CNDP1: variants seen among roughly 807,000 people sequenced by gnomAD.
CNDP1 encodes carnosine dipeptidase 1, also known as beta-Ala-His dipeptidase.
A neutral mutation model predicts 58.1 loss-of-function variants in CNDP1; 44 were observed. The observed-to-expected ratio is 0.76, with a 90% CI of 0.60 to 0.97. The LOEUF is 0.97. CNDP1 is among the 50% of genes least tolerant of loss of function. CNDP1 has a pLI of 0.00. For missense variants in CNDP1, 616 were observed against 655.1 expected (o/e 0.94, Z 0.65); for synonymous variants, 254 against 252.6 (o/e 1.01, Z -0.05).
intron 1 of CNDP1, among the ~76,000 whole-genome samples, chr18:74,540,471 T>C (rs1980591639): frequency 6.6e-6 from 1 of 152,258 alleles, no homozygotes; most frequent in African/African-American, 2.4e-5. Context: ...CTGCCCTGAA[T>C]TTCTGATCTG....
At chr18:74,581,981 G>T (rs1437446476) in intron 10 of CNDP1, among the ~76,000 whole-genome samples, 1 of 152,244 alleles carries the variant, frequency 6.6e-6, no homozygotes, top group Non-Finnish European at 1.5e-5. Context: ...AGGGTTATCA[G>T]TACAAGGGAC....
Position 74,556,470 on chromosome 18 carries a change from G to A in CNDP1, c.153+4G>A, listed in dbSNP as rs569373031. The A allele has an allele frequency of 8.7e-6, 14 of 1,614,142 alleles. No individual in the cohort carries two copies. The African/African-American group carries it at 1.5e-4, about 17-fold the overall frequency. ...CCATCAGGATGAATTTGTGCAGGTA[G>A]GAGAAAGAAACTACACAACTACACA... On this transcript the variant is annotated splice_donor_region_variant and intron_variant, in intron 2 of 11. Transcript: ENST00000358821.
At chr18:74,556,544 G>C (rs565354270) in intron 2 of CNDP1, 78 bp downstream of exon 2, 2 of 1,560,558 alleles carry the variant, frequency 1.3e-6, no homozygotes, top group Admixed American at 1.8e-5. Context: ...ACAATTATTT[G>C]CTTGGAGATG....
chr18:74,580,911 G>A (rs1981773420), intron 10 of CNDP1, among the ~76,000 whole-genome samples: 1 of 152,232 alleles, frequency 6.6e-6, no homozygotes. Flanking sequence ...TGAGGCTGCA[G>A]CAAGCTATGA....
intron 2 of CNDP1, among the ~76,000 whole-genome samples, chr18:74,557,792 T>G (rs576036992): frequency 1.8e-4 from 27 of 152,224 alleles, no homozygotes; most frequent in South Asian, 4.1e-4. Flanking sequence ...GGGAATATTA[T>G]GCAATTAGGC....
intron 1 of CNDP1, among the ~76,000 whole-genome samples, chr18:74,543,504 C>CAAAATAAAAT (rs557695014): frequency 7.9e-4 from 103 of 130,694 alleles, no homozygotes; most frequent in African/African-American, 2.8e-3. Context: ...AAAAATAAAA[C>CAAAATAAAAT]AAAACAAAAT....
intron 7 of CNDP1, chr18:74,576,565 G>A: frequency 3.3e-6 from 1 of 302,346 alleles, no homozygotes; most frequent in Non-Finnish European, 6.1e-6. Flanking sequence ...AGCTGAGAAC[G>A]TGAACATGAT....
At chr18:74,574,075 T>C (rs1269805308) in intron 7 of CNDP1, among the ~76,000 whole-genome samples, 1 of 152,198 alleles carries the variant, frequency 6.6e-6, no homozygotes, top group Non-Finnish European at 1.5e-5. Context: ...GGACCCCTGA[T>C]GTCAGGTGAG....
intron 1 of CNDP1, among the ~76,000 whole-genome samples, chr18:74,537,117 G>A (rs561449530): frequency 1.3e-5 from 2 of 152,256 alleles, no homozygotes; most frequent in East Asian, 3.9e-4. Context: ...TTCTTTTACT[G>A]TGCAGAAGCT....
intron 4 of CNDP1, 94 bp downstream of exon 4, chr18:74,561,112 C>T (rs1385580871): frequency 4.0e-6 from 6 of 1,486,750 alleles, no homozygotes; most frequent in Non-Finnish European, 5.5e-6. Flanking sequence ...TTGGGTCTCT[C>T]CCTGTCATTA....
At chr18:74,561,112 C>G in intron 4 of CNDP1, 94 bp downstream of exon 4, 2 of 1,486,868 alleles carry the variant, frequency 1.3e-6, no homozygotes, top group Non-Finnish European at 9.1e-7. Context: ...TTGGGTCTCT[C>G]CCTGTCATTA....
chr18:74,558,457 C>G (rs531247393), intron 2 of CNDP1, among the ~76,000 whole-genome samples: 1 of 134,962 alleles, frequency 7.4e-6, no homozygotes, highest in Admixed American at 8.7e-5. Flanking sequence ...TGCAGTGGCA[C>G]GATCTTGGCA....
intron 8 of CNDP1, 52 bp downstream of exon 8, chr18:74,577,081 C>T: frequency 2.7e-6 from 4 of 1,470,810 alleles, no homozygotes; most frequent in Non-Finnish European, 3.7e-6. Context: ...GCTAGTATAT[C>T]ATATTTGCCC....
At chr18:74,535,150 C>G (rs142524211) in intron 1 of CNDP1, among the ~76,000 whole-genome samples, 5 of 152,116 alleles carry the variant, frequency 3.3e-5, no homozygotes, top group East Asian at 1.9e-4. Context: ...CCTTTCTCGG[C>G]GAGGTTTCCA....
At chr18:74,539,658 A>G (rs1030157129) in intron 1 of CNDP1, among the ~76,000 whole-genome samples, 1 of 152,200 alleles carries the variant, frequency 6.6e-6, no homozygotes, top group Admixed American at 6.5e-5. Flanking sequence ...CAGTGGCGTT[A>G]TTGCAAGCGC....
chr18:74,558,959 G>A (rs1010579886), intron 2 of CNDP1, among the ~76,000 whole-genome samples: 1 of 152,132 alleles, frequency 6.6e-6, no homozygotes, highest in African/African-American at 2.4e-5. Flanking sequence ...GAGTCCTGGA[G>A]AAAGCTGAGA....
At chr18:74,559,050 G>C (rs1433444537) in intron 2 of CNDP1, among the ~76,000 whole-genome samples, 1 of 152,090 alleles carries the variant, frequency 6.6e-6, no homozygotes, top group East Asian at 1.9e-4. Flanking sequence ...TGAACGCAGT[G>C]AGGACCCAGA....
chr18:74,581,218 C>CTGTGTG (rs56269857), intron 10 of CNDP1, among the ~76,000 whole-genome samples: 16,113 of 138,350 alleles, frequency 0.12, 965 homozygotes, highest in East Asian at 0.15. Context: ...CACACCTATC[C>CTGTGTG]TGTGTGTGTG....
rs4329999 is a variant in CNDP1 at position 74,561,034 on chromosome 18, G to T, written c.466+16G>T. 1 of 1,607,346 alleles carries T rather than the reference G, an allele frequency of 6.2e-7. No homozygotes were observed. On this transcript the variant is annotated intron_variant, in intron 4 of 11. Transcript: ENST00000358821. ...GAGGTAGACGGTCAGTGAGGCGCCC[G>T]GGCTACAGTGCGGTGCTGCTGTGCT...
Sources: allele counts gnomAD v4.1 joint callset (sites outside exome capture counted in the v4.1 genomes callset), GRCh38; gene constraint gnomAD v4.1.1; transcripts MANE v1.5; gene names NCBI Gene and HGNC (gene_info 2026-07-23, HGNC 2026-07-21).